ZNF621: variants seen among roughly 807,000 people sequenced by gnomAD.
The protein encoded by ZNF621 is zinc finger protein 621.
A neutral mutation model predicts 12.7 loss-of-function variants in ZNF621; 6 were observed. The ratio of observed to expected loss-of-function variants is 0.47; its 90% confidence interval spans 0.26 to 0.93. The LOEUF (loss-of-function observed/expected upper bound fraction) is 0.93, where lower values mean the gene tolerates loss of function less well. Among genes scored for constraint, ZNF621 ranks in the 40% least tolerant of loss-of-function variants. The pLI is 0.15. For synonymous variants in ZNF621, 156 were observed against 190.3 expected (o/e 0.82, Z 1.48); for missense variants, 474 against 524.0 (o/e 0.90, Z 0.93).
chr3:40,527,193 T>C (rs1442649751), intron 2 of ZNF621, among the ~76,000 whole-genome samples: 1 of 152,048 alleles, frequency 6.6e-6, no homozygotes, highest in Non-Finnish European at 1.5e-5. Flanking sequence ...AATTTTTGTA[T>C]TTTTAGTAGA....
chr3:40,525,707 C>A, intron 1 of ZNF621, 72 bp from the exon 2 acceptor site: 2 of 1,198,824 alleles, frequency 1.7e-6, no homozygotes, highest in African/African-American at 1.5e-5. Context: ...AATGTGGAAA[C>A]TGGGAGGGCC....
At position 40,537,114 on chromosome 3, in the gene ZNF621, G is replaced by A. The variant is rs1186056103; in HGVS notation, c.*4024G>A. On this transcript the variant is annotated 3_prime_UTR_variant, in exon 5 of 5. Coordinates refer to ENST00000339296, the MANE Select transcript of ZNF621 (RefSeq NM_198484.5). ...TTGATAACCTTACAAACACCTTTAAGTGTTTAAGTGAAAAAGTCACATGCC... is the reference window on the plus strand; with the variant it reads ...TTGATAACCTTACAAACACCTTTAAATGTTTAAGTGAAAAAGTCACATGCC... 6.6e-6 allele frequency: 1 copy of A among 152,166 alleles called. No individual in the cohort carries two copies. The highest frequency in any genetic ancestry group is 1.9e-4 in the East Asian group (1 of 5,196). 9.4% of individuals were successfully genotyped at this position (152,166 alleles called of 1,614,324 possible). A position where few individuals can be genotyped will look rare whatever the true frequency, so the allele number is the denominator to read the frequency against.
chr3:40,525,766 C>G lies in ZNF621; in HGVS notation c.-62-13C>G, dbSNP rs1698564347. 1.9e-6 allele frequency: 3 copies of G among 1,612,198 alleles called. No homozygotes were observed. Among genetic ancestry groups the G allele is most frequent in the South Asian group, 2.2e-5 (2 of 90,994 alleles). ...GACAGGGTCCTTAGCACTCATGGCTCTTTTTCTCTTAGCTCTTGAGGATCT... is the reference window on the plus strand; with the variant it reads ...GACAGGGTCCTTAGCACTCATGGCTGTTTTTCTCTTAGCTCTTGAGGATCT... On this transcript the variant is annotated splice_polypyrimidine_tract_variant and intron_variant, in intron 1 of 4. Transcript: ENST00000339296.
chr3:40,524,491 A>G (rs530657017), upstream of ZNF621, among the ~76,000 whole-genome samples: 1 of 152,224 alleles, frequency 6.6e-6, no homozygotes, highest in South Asian at 2.1e-4. Context: ...TGGAAGGGAG[A>G]GGGCTAAAAC....
chr3:40,528,428 G>A (rs1181899710), intron 2 of ZNF621, among the ~76,000 whole-genome samples: 8 of 152,142 alleles, frequency 5.3e-5, no homozygotes, highest in Non-Finnish European at 1.0e-4. Context: ...AAGTTTTGGC[G>A]ATGATGAATA....
upstream of ZNF621, among the ~76,000 whole-genome samples, chr3:40,523,579 C>T (rs190431321): frequency 7.9e-5 from 12 of 152,266 alleles, no homozygotes; most frequent in African/African-American, 2.9e-4. Context: ...TCCTGGCTAA[C>T]ACGGTGAAAA....
At position 40,533,314 on chromosome 3, in the gene ZNF621, T is replaced by C. The variant is rs1481098876; in HGVS notation, c.*224T>C. The C allele has an allele frequency of 1.4e-6, 1 of 694,184 alleles. No individual in the cohort carries two copies. Among genetic ancestry groups the C allele is most frequent in the Admixed American group, 3.3e-5 (1 of 30,352 alleles). 43.0% of individuals were successfully genotyped at this position (694,184 alleles called of 1,614,324 possible). ...CCTCACCACGCCCAGCTAATTTCTG[T>C]ATTTTTAGAAGAGATGGGGTTTCGC... On this transcript the variant is annotated 3_prime_UTR_variant, in exon 5 of 5. Coordinates refer to ENST00000339296, the MANE Select transcript of ZNF621 (RefSeq NM_198484.5).
At chr3:40,531,521 C>T (rs1319985782) in intron 4 of ZNF621, among the ~76,000 whole-genome samples, 1 of 152,160 alleles carries the variant, frequency 6.6e-6, no homozygotes, top group Non-Finnish European at 1.5e-5. Context: ...GGCTATCTTT[C>T]CTGTTCCATT....
intron 1 of ZNF621, chr3:40,525,521 C>T (rs546853560): frequency 7.0e-6 from 4 of 572,708 alleles, no homozygotes; most frequent in African/African-American, 1.9e-5. Context: ...GGACAGGGCT[C>T]TTGGGTCCCT....
At position 40,525,827 on chromosome 3, in the gene ZNF621, A is replaced by G. The variant is rs1698566330; in HGVS notation, c.-14A>G. The G allele has an allele frequency of 5.0e-6, 8 of 1,614,174 alleles. No homozygotes were observed. Among genetic ancestry groups the G allele is most frequent in the Non-Finnish European group, 6.8e-6 (8 of 1,180,012 alleles). On this transcript the variant is annotated 5_prime_UTR_variant, in exon 2 of 5. Transcript: ENST00000339296. ...AACCCAGAAGACAGTGCATGAAGCCAGGGGACATCCGCCATGCTCCAAACA... is the reference window on the plus strand; with the variant it reads ...AACCCAGAAGACAGTGCATGAAGCCGGGGGACATCCGCCATGCTCCAAACA...
At chr3:40,529,763 T>C (rs1215194306) in intron 3 of ZNF621, among the ~76,000 whole-genome samples, 3 of 152,132 alleles carry the variant, frequency 2.0e-5, no homozygotes, top group Non-Finnish European at 2.9e-5. Context: ...GCTGGGACTA[T>C]AGGCGTGTGC....
chr3:40,533,188 T>A lies in ZNF621; in HGVS notation c.*98T>A. 1.4e-6 allele frequency: 2 copies of A among 1,469,866 alleles called. No individual in the cohort carries two copies. The highest frequency in any genetic ancestry group is 1.8e-6 in the Non-Finnish European group (2 of 1,111,910). 91.1% of individuals were successfully genotyped at this position (1,469,866 alleles called of 1,614,324 possible). ...AAGGGTCTTGCTCTGTCACCCAGGC[T>A]AGAGTGCGGTGGTGTGATCTTGGCT... On this transcript the variant is annotated 3_prime_UTR_variant, in exon 5 of 5. Coordinates refer to ENST00000339296, the MANE Select transcript of ZNF621 (RefSeq NM_198484.5).
At chr3:40,528,168 T>A (rs1436112700) in intron 2 of ZNF621, among the ~76,000 whole-genome samples, 1 of 152,224 alleles carries the variant, frequency 6.6e-6, no homozygotes, top group African/African-American at 2.4e-5. Flanking sequence ...CCCGTCCCAA[T>A]TGACAACCAT....
At chr3:40,524,181 G>A (rs934258321), upstream of ZNF621, among the ~76,000 whole-genome samples, 24 of 152,094 alleles carry the variant, frequency 1.6e-4, no homozygotes, top group Non-Finnish European at 4.4e-5. Flanking sequence ...AGACCATAAA[G>A]GTCTGTCCAG....
At chr3:40,531,706 G>C (rs1358642238) in intron 4 of ZNF621, among the ~76,000 whole-genome samples, 1 of 152,134 alleles carries the variant, frequency 6.6e-6, no homozygotes, top group African/African-American at 2.4e-5. Context: ...AGGACCACAG[G>C]GGTGCGCCAC....
upstream of ZNF621, among the ~76,000 whole-genome samples, chr3:40,523,800 A>AC (rs1553659367): frequency 2.7e-5 from 4 of 147,722 alleles, no homozygotes; most frequent in East Asian, 8.0e-4. Flanking sequence ...AGCAAAAAAA[A>AC]AAAAAACAAA....
In ZNF621 at chr3:40,535,505, T is replaced by C. The variant is rs1030384682; in HGVS notation, c.*2415T>C. The C allele has an allele frequency of 5.9e-5, 9 of 152,246 alleles. No individual in the cohort carries two copies. Among genetic ancestry groups the C allele is most frequent in the African/African-American group, 1.9e-4 (8 of 41,466 alleles). 9.4% of individuals were successfully genotyped at this position (152,246 alleles called of 1,614,324 possible). ...TGGAAACTCAGCAGCTGCTGGTGCC[T>C]GCTACTGGACTGCCACCCCCCATTG... On this transcript the variant is annotated 3_prime_UTR_variant, in exon 5 of 5. Coordinates refer to ENST00000339296, the MANE Select transcript of ZNF621 (RefSeq NM_198484.5).
intron 4 of ZNF621, among the ~76,000 whole-genome samples, chr3:40,531,487 C>G (rs1000530914): frequency 2.0e-5 from 3 of 152,154 alleles, no homozygotes; most frequent in Admixed American, 1.3e-4. Flanking sequence ...AATTTTCCAG[C>G]CTTCCTCGTG....
chr3:40,531,839 C>G (rs1471073721), intron 4 of ZNF621, among the ~76,000 whole-genome samples, 191 bp from the exon 5 acceptor site: 3 of 152,246 alleles, frequency 2.0e-5, no homozygotes, highest in Non-Finnish European at 4.4e-5. Flanking sequence ...GCCAACATTA[C>G]AGGCATGAGC....
Sources: allele counts gnomAD v4.1 joint callset (sites outside exome capture counted in the v4.1 genomes callset), GRCh38; gene constraint gnomAD v4.1.1; transcripts MANE v1.5; gene names NCBI Gene and HGNC (gene_info 2026-07-23, HGNC 2026-07-21).